MYOM1: variants seen among roughly 807,000 people sequenced by gnomAD.
The protein encoded by MYOM1 is myomesin 1, also known as myomesin-1.
Under a neutral mutation model 205.3 loss-of-function variants are expected in MYOM1, and 164 were observed. That is an observed-to-expected ratio of 0.80 (90% CI 0.70 to 0.91). The LOEUF is 0.91. Among genes scored for constraint, MYOM1 ranks in the 40% least tolerant of loss-of-function variants. The pLI is 0.00. For synonymous variants in MYOM1, 772 were observed against 789.4 expected (o/e 0.98, Z 0.37); for missense variants, 2,011 against 2,127.3 (o/e 0.95, Z 1.08).
intron 19 of MYOM1, among the ~76,000 whole-genome samples, chr18:3,124,589 A>G (rs1481291684): frequency 9.9e-5 from 15 of 151,866 alleles, no homozygotes; most frequent in Admixed American, 9.8e-4. Flanking sequence ...TCGGCCTCCC[A>G]AAGTGCTGGG....
At chr18:3,127,305 A>AT (rs1555620545) in intron 18 of MYOM1, among the ~76,000 whole-genome samples, 602 of 47,578 alleles carry the variant, frequency 0.013, 21 homozygotes, top group South Asian at 0.028. Context: ...ATATATATAT[A>AT]TTTTTTTTTT....
upstream of MYOM1, among the ~76,000 whole-genome samples, chr18:3,224,661 CATT>C (rs151301855): frequency 3.9e-5 from 6 of 151,988 alleles, no homozygotes; most frequent in East Asian, 5.8e-4. Flanking sequence ...ATGGAATTAT[CATT>C]ATTATTATTA....
chr18:3,201,132 C>T (rs1007045930), intron 2 of MYOM1, among the ~76,000 whole-genome samples: 1 of 152,204 alleles, frequency 6.6e-6, no homozygotes, highest in Non-Finnish European at 1.5e-5. Flanking sequence ...GGCGCAGTGG[C>T]TCATGCCTGT....
At chr18:3,167,945 C>CA (rs1203718686) in intron 9 of MYOM1, among the ~76,000 whole-genome samples, 1 of 152,148 alleles carries the variant, frequency 6.6e-6, no homozygotes, top group Non-Finnish European at 1.5e-5. Flanking sequence ...GAGGAACTGA[C>CA]AATGGAAGGA....
chr18:3,184,885 T>C (rs1034416203), intron 5 of MYOM1, among the ~76,000 whole-genome samples: 2 of 152,212 alleles, frequency 1.3e-5, no homozygotes, highest in Non-Finnish European at 1.5e-5. Flanking sequence ...GTGTCTTCCC[T>C]TTTGTTTGAA....
At chr18:3,204,435 T>C (rs9916905) in intron 2 of MYOM1, among the ~76,000 whole-genome samples, 34,879 of 151,730 alleles carry the variant, frequency 0.23, 4,106 homozygotes, top group African/African-American at 0.29. Flanking sequence ...ATACTAGCAA[T>C]GAATAATCCA....
chr18:3,193,771 C>G (rs1196312083), intron 3 of MYOM1, 47 bp downstream of exon 3: 11 of 1,587,610 alleles, frequency 6.9e-6, no homozygotes, highest in Non-Finnish European at 9.4e-6. Flanking sequence ...ATAGCACTTA[C>G]TATATACTTC....
chr18:3,135,631 A>T lies in MYOM1; in HGVS notation c.2125T>A (p.Cys709Ser). ...LFDLAEGKSY[C>S]FRVRCSNSAG... ...GAATTAGAACAGCGGACACGGAAAC[A>T]GTAGGATTTCCCCTCGGCCAAGTCA... The change falls in exon 15 of 38, where the codon TGT becomes AGT. Residue 709 changes from cysteine (C) to serine (S), a missense_variant. Coordinates refer to ENST00000356443, the MANE Select transcript of MYOM1 (RefSeq NM_003803.4). The surrounding 1 kb of genome is among the most constrained non-coding windows in gnomAD (Gnocchi z 4.1). The T allele has an allele frequency of 6.2e-7, 1 of 1,613,924 alleles. No homozygotes were observed. The highest frequency in any genetic ancestry group is 8.5e-7 in the Non-Finnish European group (1 of 1,179,886).
chr18:3,070,235 ACC>A (rs2078943927), intron 37 of MYOM1, among the ~76,000 whole-genome samples: 5 of 152,054 alleles, frequency 3.3e-5, no homozygotes, highest in African/African-American at 1.2e-4. Flanking sequence ...TGCAGCTTTG[ACC>A]TCCTGGGCTC....
chr18:3,148,426 T>C (rs1032631911), intron 13 of MYOM1, among the ~76,000 whole-genome samples: 1 of 152,116 alleles, frequency 6.6e-6, no homozygotes, highest in African/African-American at 2.4e-5. Flanking sequence ...GATCTACAAT[T>C]GTGGACAATG....
chr18:3,148,749 G>C (rs1363613979), intron 13 of MYOM1, among the ~76,000 whole-genome samples: 1 of 150,028 alleles, frequency 6.7e-6, no homozygotes, highest in Non-Finnish European at 1.5e-5. Flanking sequence ...GGGAGGCTGA[G>C]GCAGGAGAAT....
chr18:3,103,387 T>TA (rs1157593255), intron 22 of MYOM1, among the ~76,000 whole-genome samples: 1 of 152,164 alleles, frequency 6.6e-6, no homozygotes. Flanking sequence ...AAAATTCAGT[T>TA]AGTGTTTTGA....
intron 2 of MYOM1, among the ~76,000 whole-genome samples, chr18:3,197,199 C>T (rs944522554): frequency 4.0e-5 from 6 of 150,594 alleles, no homozygotes; most frequent in Non-Finnish European, 7.4e-5. Flanking sequence ...TGCAATGGCG[C>T]GATCTCGGCT....
chr18:3,215,671 A>G (rs559497509), intron 1 of MYOM1, among the ~76,000 whole-genome samples: 178 of 152,298 alleles, frequency 1.2e-3, no homozygotes, highest in African/African-American at 4.2e-3. Context: ...TATGAAGTTT[A>G]ACATAACTGG....
intron 27 of MYOM1, 21 bp from the exon 28 acceptor site, chr18:3,089,617 A>C (rs2079195784): frequency 1.7e-5 from 27 of 1,597,458 alleles, no homozygotes; most frequent in Non-Finnish European, 2.2e-5. Flanking sequence ...AAAAACAAGG[A>C]AGTGTGAAAT....
chr18:3,228,335 G>A, the MYOM1 span, among the ~76,000 whole-genome samples: 1 of 152,148 alleles, frequency 6.6e-6, no homozygotes. The surrounding 1 kb of genome is among the most constrained non-coding windows in gnomAD (Gnocchi z 4.5). Flanking sequence ...CTTTTGCTGT[G>A]GCTGGAGACA....
chr18:3,116,249 T>A, intron 21 of MYOM1, 82 bp downstream of exon 21: 1 of 1,395,978 alleles, frequency 7.2e-7, no homozygotes, highest in Non-Finnish European at 9.9e-7. Context: ...AGCGGAGATA[T>A]TCTGTTTTAT....
intron 21 of MYOM1, among the ~76,000 whole-genome samples, chr18:3,114,811 C>T (rs551610507): frequency 3.0e-4 from 46 of 152,126 alleles, no homozygotes; most frequent in Non-Finnish European, 5.9e-4. Context: ...ACTCTCCTTA[C>T]GGAAGTTCAC....
At chr18:3,233,575 G>T in the MYOM1 span, among the ~76,000 whole-genome samples, 1 of 152,188 alleles carries the variant, frequency 6.6e-6, no homozygotes, top group African/African-American at 2.4e-5. Context: ...GCCCTTCAGG[G>T]ATTACTGGGT....
Sources: allele counts gnomAD v4.1 joint callset (sites outside exome capture counted in the v4.1 genomes callset), GRCh38; gene constraint gnomAD v4.1.1; non-coding constraint Gnocchi (gnomAD v3.1); transcripts MANE v1.5; gene names NCBI Gene and HGNC (gene_info 2026-07-23, HGNC 2026-07-21).